FIBCD1: variants seen among roughly 807,000 people sequenced by gnomAD.
FIBCD1 encodes fibrinogen C domain containing 1.
FIBCD1 carries 47 observed loss-of-function variants against 45.1 expected under a neutral mutation model. The ratio of observed to expected loss-of-function variants is 1.04; its 90% confidence interval spans 0.82 to 1.33. The LOEUF (loss-of-function observed/expected upper bound fraction) is 1.33. FIBCD1 is among the 40% of genes most tolerant of loss of function. The pLI is 0.00. For missense variants in FIBCD1, 653 were observed against 682.2 expected (o/e 0.96, Z 0.48); for synonymous variants, 313 against 308.1 (o/e 1.02, Z -0.17).
At chr9:130,940,168 C>T (rs868766946), upstream of FIBCD1, among the ~76,000 whole-genome samples, 55 of 152,324 alleles carry the variant, frequency 3.6e-4, no homozygotes, top group African/African-American at 1.2e-3. Context: ...CCGGCACTGG[C>T]GGGGCAGACT....
rs1832562298 is a variant in FIBCD1, at chr9:130,938,695, G to A, written c.-88C>T. The A allele has an allele frequency of 1.1e-6, 1 of 872,806 alleles. No individual in the cohort carries two copies. The allele number at this position is 872,806 out of a possible 1,614,324, so 54.1% of individuals were successfully genotyped here. A position where few individuals can be genotyped will look rare whatever the true frequency, so the allele number is the denominator to read the frequency against. ...GGGTGGGCGCGGGCGCGGGCGCGGG[G>A]CGCGCTCTGTCCGCCGGGTCCCCGC... On this transcript the variant is annotated 5_prime_UTR_variant, in exon 1 of 7. Transcript: ENST00000372338.
intron 5 of FIBCD1, among the ~76,000 whole-genome samples, chr9:130,908,181 G>A (rs1831969233): frequency 6.6e-6 from 1 of 152,114 alleles, no homozygotes; most frequent in Non-Finnish European, 1.5e-5. Context: ...AATATATAGA[G>A]AGCTTCCATG....
chr9:130,918,918 C>T (rs529700316), intron 4 of FIBCD1, among the ~76,000 whole-genome samples: 19 of 152,318 alleles, frequency 1.2e-4, no homozygotes, highest in African/African-American at 4.3e-4. Flanking sequence ...CGTAAACGGA[C>T]GGCGCACAGT....
intron 5 of FIBCD1, among the ~76,000 whole-genome samples, chr9:130,911,138 T>A (rs1361631291): frequency 6.6e-6 from 1 of 152,204 alleles, no homozygotes; most frequent in African/African-American, 2.4e-5. Context: ...GGGTCCACGC[T>A]GCTTTTATGA....
chr9:130,921,738 C>G (rs1010910716), intron 4 of FIBCD1, among the ~76,000 whole-genome samples: 3 of 152,374 alleles, frequency 2.0e-5, no homozygotes, highest in African/African-American at 7.2e-5. Context: ...TGCCTCCTCA[C>G]TGTTCCGCCC....
intron 4 of FIBCD1, among the ~76,000 whole-genome samples, chr9:130,919,281 T>A (rs1832217954): frequency 6.6e-6 from 1 of 152,220 alleles, no homozygotes; most frequent in Non-Finnish European, 1.5e-5. Context: ...CTCGCCATTA[T>A]GAATGTGTGT....
intron 4 of FIBCD1, among the ~76,000 whole-genome samples, chr9:130,918,574 G>C (rs551974589): frequency 1.3e-5 from 2 of 152,250 alleles, no homozygotes; most frequent in African/African-American, 2.4e-5. Flanking sequence ...ATTCTGGGAG[G>C]GGGGCAGAGG....
Position 130,907,824 on chromosome 9 carries a change from G to A in FIBCD1, c.947-2411C>T, listed in dbSNP as rs559758941. On this transcript the variant is annotated intron_variant, in intron 5 of 6. Coordinates refer to ENST00000372338, the MANE Select transcript of FIBCD1 (RefSeq NM_032843.5). Reference sequence around the variant, plus strand: ...TGAGGCAGGAGAATCGCTTGAACCCGGGAGGTGGAGGTTGCAGTGAGCTGA... The same window carrying A: ...TGAGGCAGGAGAATCGCTTGAACCCAGGAGGTGGAGGTTGCAGTGAGCTGA... Among the ~76,000 whole-genome samples, 232 of 150,548 alleles carry A rather than the reference G, an allele frequency of 1.5e-3. 3 individuals are homozygous for A. The highest frequency in any genetic ancestry group is 1.9e-3 in the African/African-American group (77 of 40,888).
chr9:130,905,195 C>T (rs761075929), intron 6 of FIBCD1, 39 bp downstream of exon 6: 11 of 1,585,494 alleles, frequency 6.9e-6, no homozygotes, highest in African/African-American at 2.7e-5. Context: ...CCTCCCAGGC[C>T]GCCCCCCTTC....
At chr9:130,910,968 G>C (rs1410030528) in intron 5 of FIBCD1, among the ~76,000 whole-genome samples, 1 of 152,110 alleles carries the variant, frequency 6.6e-6, no homozygotes, top group African/African-American at 2.4e-5. Context: ...GATTGTAAAC[G>C]CACCAATCAG....
At chr9:130,920,116 C>T (rs1164928755) in intron 4 of FIBCD1, among the ~76,000 whole-genome samples, 2 of 151,768 alleles carry the variant, frequency 1.3e-5, no homozygotes, top group African/African-American at 4.8e-5. Context: ...GACAGATGAG[C>T]AAGGGGCCCT....
intron 4 of FIBCD1, 21 bp downstream of exon 4, chr9:130,923,723 C>T (rs777909807): frequency 1.1e-4 from 183 of 1,609,722 alleles, no homozygotes; most frequent in Non-Finnish European, 1.4e-4. Flanking sequence ...CCCTGCCGCC[C>T]GCCCAGCCTG....
chr9:130,913,645 A>G (rs1428265305), intron 4 of FIBCD1, among the ~76,000 whole-genome samples: 2 of 152,172 alleles, frequency 1.3e-5, no homozygotes, highest in African/African-American at 4.8e-5. Flanking sequence ...AGGAAATTCG[A>G]TCAGGCTCAG....
intron 1 of FIBCD1, among the ~76,000 whole-genome samples, chr9:130,930,279 GGAGA>G (rs1317790766): frequency 6.6e-6 from 1 of 152,184 alleles, no homozygotes; most frequent in Non-Finnish European, 1.5e-5. Flanking sequence ...GGGAGAAAGT[GGAGA>G]GAGACAGAGC....
Position 130,922,824 on chromosome 9 carries a change from G to A in FIBCD1, c.849+920C>T, listed in dbSNP as rs1832284993. 6.6e-6 allele frequency among the ~76,000 whole-genome samples: 1 copy of A among 152,108 alleles called. No homozygotes were observed. The highest frequency in any genetic ancestry group is 2.4e-5 in the African/African-American group (1 of 41,414). On this transcript the variant is annotated intron_variant, in intron 4 of 6. Transcript: ENST00000372338. The surrounding 1 kb of genome is among the most constrained non-coding windows in gnomAD (Gnocchi z 4.5). Reference sequence around the variant, plus strand: ...ATCCCTCGGGCCCTGCTCCTCAGATGTTCCCTGGTAGCCGCGTTAGGTTGC... The same window carrying A: ...ATCCCTCGGGCCCTGCTCCTCAGATATTCCCTGGTAGCCGCGTTAGGTTGC...
At chr9:130,927,189 G>T (rs952877121) in intron 2 of FIBCD1, among the ~76,000 whole-genome samples, 7 of 151,852 alleles carry the variant, frequency 4.6e-5, no homozygotes, top group African/African-American at 1.5e-4. Context: ...GTTGCAGTAA[G>T]CCCTGATTGT....
chr9:130,928,361 G>A, intron 2 of FIBCD1, among the ~76,000 whole-genome samples: 1 of 152,218 alleles, frequency 6.6e-6, no homozygotes, highest in Middle Eastern at 3.2e-3. Flanking sequence ...CTGACCAGGG[G>A]CTGAGCAATT....
chr9:130,902,562 GA>G lies in FIBCD1; in HGVS notation c.*1501del. 2 of 152,418 alleles carry G rather than the reference GA, an allele frequency of 1.3e-5. No individual in the cohort carries two copies. The highest frequency in any genetic ancestry group is 3.4e-3 in the Middle Eastern group (1 of 294). 9.4% of individuals were successfully genotyped at this position (152,418 alleles called of 1,614,324 possible). Reference sequence around the variant, plus strand: ...TTAAGCACAAACTTCAGTGGGAGGGGAAGGGAGAACGGAACCCCACACCCCC... The same window carrying G: ...TTAAGCACAAACTTCAGTGGGAGGGGAGGGAGAACGGAACCCCACACCCCC... On this transcript the variant is annotated 3_prime_UTR_variant, in exon 7 of 7. Coordinates refer to ENST00000372338, the MANE Select transcript of FIBCD1 (RefSeq NM_032843.5).
At chr9:130,924,439 T>G (rs1485142174) in intron 2 of FIBCD1, 43 bp from the exon 3 acceptor site, 70 of 1,463,576 alleles carry the variant, frequency 4.8e-5, no homozygotes, top group African/African-American at 9.7e-5. Flanking sequence ...GGGGCTCTGT[T>G]GGGGGTGGGG....
Sources: gnomAD v4.1 joint callset for allele counts (sites outside exome capture counted in the v4.1 genomes callset) on GRCh38, gnomAD v4.1.1 for gene constraint, Gnocchi (gnomAD v3.1) non-coding constraint, MANE v1.5 for transcripts, NCBI Gene and HGNC (gene_info 2026-07-23, HGNC 2026-07-21) for gene names.